Variants in ZNF91 observed in about 807,000 individuals in gnomAD.
ZNF91 encodes the protein zinc finger protein 91.
A neutral mutation model predicts 12.6 loss-of-function variants in ZNF91; 7 were observed. The observed-to-expected ratio is 0.55, with a 90% CI of 0.31 to 1.04. ZNF91 has a LOEUF of 1.04. Among genes scored for constraint, ZNF91 ranks in the 50% least tolerant of loss-of-function variants. The pLI is 0.05. For missense variants in ZNF91, 1,217 were observed against 1,385.4 expected (o/e 0.88, Z 1.93); for synonymous variants, 453 against 462.6 (o/e 0.98, Z 0.27).
At position 23,361,991 on chromosome 19, in the gene ZNF91, C is replaced by T. The variant is rs759805313; in HGVS notation, c.988G>A (p.Ala330Thr). 14 of 1,613,432 alleles carry T rather than the reference C, an allele frequency of 8.7e-6. No homozygotes were observed. The highest frequency in any genetic ancestry group is 1.2e-5 in the Non-Finnish European group (14 of 1,179,788). ...KPYKCEECGK[A>T]FSRSSTLAKH... ...GCAAGGGTTGAAGAACGGCTAAAAG[C>T]TTTGCCACATTCTTCACATTTGTAG... Residue 330 changes from alanine to threonine, a missense_variant, in exon 4 of 4, where the codon GCT becomes ACT. Physicochemically the swap from Ala to Thr is moderately conservative, Grantham distance 58. Coordinates refer to ENST00000300619, the MANE Select transcript of ZNF91 (RefSeq NM_003430.4).
chr19:23,370,001 TAAA>T (rs60615373), intron 3 of ZNF91, among the ~76,000 whole-genome samples: 31 of 107,878 alleles, frequency 2.9e-4, no homozygotes, highest in Non-Finnish European at 3.5e-4. Context: ...GAATGATCAA[TAAA>T]AAAAAAAAAA....
At chr19:23,318,725 C>T (rs1260185725) in intron 1 of ZNF91, among the ~76,000 whole-genome samples, 5 of 152,162 alleles carry the variant, frequency 3.3e-5, no homozygotes, top group Admixed American at 3.3e-4. Context: ...TGCGCTATGC[C>T]CACAGAAGGT....
chr19:23,316,608 G>C (rs1443291796), intron 1 of ZNF91, among the ~76,000 whole-genome samples: 1 of 152,128 alleles, frequency 6.6e-6, no homozygotes, highest in Non-Finnish European at 1.5e-5. Flanking sequence ...TCTCCTGTTT[G>C]CTCCCTACCC....
chr19:23,346,442 G>C (rs944661640), intron 3 of ZNF91, among the ~76,000 whole-genome samples: 3 of 151,988 alleles, frequency 2.0e-5, no homozygotes, highest in African/African-American at 7.2e-5. Flanking sequence ...CTCCTTGCAG[G>C]ACTCAAAAAG....
chr19:23,316,295 A>G (rs896822218), intron 1 of ZNF91, among the ~76,000 whole-genome samples: 2 of 151,948 alleles, frequency 1.3e-5, no homozygotes, highest in Non-Finnish European at 2.9e-5. Flanking sequence ...ATATCTCTGC[A>G]TTAATCACCT....
intron 3 of ZNF91, among the ~76,000 whole-genome samples, chr19:23,347,973 T>C (rs985564308): frequency 6.6e-6 from 1 of 152,210 alleles, no homozygotes; most frequent in Non-Finnish European, 1.5e-5. Flanking sequence ...ACTCTCAACA[T>C]GCATATAATT....
chr19:23,315,560 C>A (rs766409028), upstream of ZNF91, among the ~76,000 whole-genome samples: 1 of 151,192 alleles, frequency 6.6e-6, no homozygotes, highest in Non-Finnish European at 1.5e-5. Flanking sequence ...ATGACCTGAC[C>A]TAGGTGATGT....
chr19:23,355,619 A>G (rs1177640226), downstream of ZNF91, among the ~76,000 whole-genome samples: 3 of 152,240 alleles, frequency 2.0e-5, no homozygotes, highest in Non-Finnish European at 4.4e-5. Flanking sequence ...TAGTTAAACT[A>G]AAGAGTTTTT....
At chr19:23,313,384 T>C (rs1456451125), upstream of ZNF91, among the ~76,000 whole-genome samples, 1 of 152,200 alleles carries the variant, frequency 6.6e-6, no homozygotes, top group Non-Finnish European at 1.5e-5. Flanking sequence ...ACAGGGGGGA[T>C]TGTGACCTGT....
Position 23,361,219 on chromosome 19 carries a change from G to A in ZNF91, c.1760C>T (p.Ser587Leu). The change falls in exon 4 of 4, where the codon TCA (serine) becomes TTA (leucine). Residue 587 changes from serine (S) to leucine (L), a missense_variant. By Grantham distance (145) the Ser-to-Leu change is moderately radical (BLOSUM62 -2). Coordinates refer to ENST00000300619, the MANE Select transcript of ZNF91 (RefSeq NM_003430.4). ...AATTATCTTATGTGTAGAAAGACTT[G>A]AGGAATGATTAAAAGCTTTGCCACA... is the stretch of plus-strand genomic sequence containing the variant. Reference protein sequence around the residue: ...EECGKAFNHSSSLSTHKIIHT... With the variant: ...EECGKAFNHSLSLSTHKIIHT... 2 of 1,613,520 alleles carry A rather than the reference G, an allele frequency of 1.2e-6. No homozygotes were observed. The highest frequency in any genetic ancestry group is 1.7e-6 in the Non-Finnish European group (2 of 1,179,778).
downstream of ZNF91, among the ~76,000 whole-genome samples, chr19:23,336,148 A>T (rs1599697516): frequency 6.6e-6 from 1 of 152,322 alleles, no homozygotes; most frequent in East Asian, 1.9e-4. Context: ...TAACTAATAT[A>T]TTAATTTTAA....
At chr19:23,343,011 A>C (rs1380353503) in intron 3 of ZNF91, among the ~76,000 whole-genome samples, 1 of 152,250 alleles carries the variant, frequency 6.6e-6, no homozygotes, top group Non-Finnish European at 1.5e-5. Context: ...ATATTGTTAA[A>C]TAGAGAAAGA....
chr19:23,315,029 C>A (rs1967531022), upstream of ZNF91, among the ~76,000 whole-genome samples: 1 of 152,194 alleles, frequency 6.6e-6, no homozygotes, highest in South Asian at 2.1e-4. Context: ...TTTACCCACA[C>A]AGAAAATTGT....
At position 23,359,970 on chromosome 19, in the gene ZNF91, A is replaced by G. The variant is rs750850433; in HGVS notation, c.3009T>C (p.Phe1003=). Residue 1003 remains phenylalanine (F), a synonymous_variant, in exon 4 of 4, where the codon TTT becomes TTC. Coordinates refer to ENST00000300619, the MANE Select transcript of ZNF91 (RefSeq NM_003430.4). ...GTCTAGTTAGGGTTGAGGATTGGCT[A>G]AATGCTTTGCCACATTCTTCACATT... ...PYKCEECGKA[F]SQSSTLTRHT... The G allele has an allele frequency of 4.3e-6, 7 of 1,613,104 alleles. No individual in the cohort carries two copies. In the Admixed American group the frequency reaches 1.0e-4, roughly 23 times the overall value.
rs1337091439 is a variant in ZNF91, at chr19:23,361,924, C to T, written c.1055G>A (p.Cys352Tyr). ...GCTAAAAGCTTTGCCACATTCTTTA[C>T]ATTTGTAGGGTTTCTCTCCAGTATG... ...RIHTGEKPYK[C>Y]KECGKAFSNS... Residue 352 changes from cysteine (C) to tyrosine (Y), a missense_variant, in exon 4 of 4, where the codon TGT becomes TAT. Cys to Tyr is a radical substitution (Grantham distance 194). Transcript: ENST00000300619. 1.9e-6 allele frequency: 3 copies of T among 1,612,794 alleles called. No individual in the cohort carries two copies. Among genetic ancestry groups the T allele is most frequent in the East Asian group, 4.5e-5 (2 of 44,760 alleles).
rs553868508 is a variant in ZNF91 at position 23,360,889 on chromosome 19, C to A, written c.2090G>T (p.Arg697Leu). Residue 697 changes from arginine to leucine, a missense_variant, in exon 4 of 4, where the codon CGA becomes CTA. By Grantham distance (102) the Arg-to-Leu change is moderately radical. Around this residue, in one of 2 missense-constraint regions of ZNF91, gnomAD observed 726 missense variants for 895.5 expected, o/e 0.81. Transcript: ENST00000300619. Reference protein sequence around the residue: ...KCKECDKTFKRLSTLTKHKII... With the variant: ...KCKECDKTFKLLSTLTKHKII... ...TTTATGTTTAGTAAGGGTTGAGAGTCGCTTAAAAGTTTTGTCACATTCTTT... is the reference window on the plus strand; with the variant it reads ...TTTATGTTTAGTAAGGGTTGAGAGTAGCTTAAAAGTTTTGTCACATTCTTT... 1.2e-6 allele frequency: 2 copies of A among 1,612,042 alleles called. No individual in the cohort carries two copies. Among genetic ancestry groups the A allele is most frequent in the South Asian group, 1.1e-5 (1 of 90,974 alleles).
chr19:23,361,431 T>G lies in ZNF91; in HGVS notation c.1548A>C (p.Lys516Asn), dbSNP rs778100016. The G allele has an allele frequency of 1.2e-6, 2 of 1,613,328 alleles. No individual in the cohort carries two copies. Among genetic ancestry groups the G allele is most frequent in the African/African-American group, 1.3e-5 (1 of 74,786 alleles). Reference protein sequence around the residue: ...TKHKIIHTGEKPYKFEECGKA... With the variant: ...TKHKIIHTGENPYKFEECGKA... ...TGCCACATTCTTCAAATTTGTAGGG[T>G]TTCTCTCCAGTATGAATTATCTTAT... The change falls in exon 4 of 4, where the codon AAA becomes AAC. Residue 516 changes from lysine to asparagine, a missense_variant. Physicochemically the swap from Lys to Asn is moderately conservative, Grantham distance 94. Around this residue, in one of 2 missense-constraint regions of ZNF91, gnomAD observed 726 missense variants for 895.5 expected, o/e 0.81. Coordinates refer to ENST00000300619, the MANE Select transcript of ZNF91 (RefSeq NM_003430.4).
At chr19:23,375,890 C>G (rs1969487874) in intron 1 of ZNF91, among the ~76,000 whole-genome samples, 1 of 152,160 alleles carries the variant, frequency 6.6e-6, no homozygotes, top group Admixed American at 6.5e-5. Context: ...CTATAGTATG[C>G]TGATGCACCA....
chr19:23,383,731 CAA>C lies in ZNF91; in HGVS notation c.31-8969_31-8968del, dbSNP rs1969789798. On this transcript the variant is annotated intron_variant, in intron 1 of 3. Transcript: ENST00000300619. The stretch of plus-strand genomic sequence containing the variant: ...TGAAATATTCCTCCTTGAAAACTGG[CAA>C]AAGGCAAAAGATGCCTTCTCTTAAC... Among the ~76,000 whole-genome samples the C allele has an allele frequency of 2.0e-5, 3 of 152,022 alleles. No homozygotes were observed. In the South Asian group the frequency reaches 6.2e-4, roughly 32 times the overall value.
Sources: allele counts gnomAD v4.1 joint callset (sites outside exome capture counted in the v4.1 genomes callset), GRCh38; gene constraint gnomAD v4.1.1; regional missense constraint gnomAD v4.1.1; transcripts MANE v1.5; gene names NCBI Gene and HGNC (gene_info 2026-07-23, HGNC 2026-07-21).